SLC51B: variants seen among roughly 807,000 people sequenced by gnomAD.
SLC51B encodes the protein SLC51 subunit beta, also known as organic solute transporter subunit beta.
In SLC51B, 6 loss-of-function variants were observed where a neutral mutation model predicts 8.0. The observed-to-expected ratio is 0.75, with a 90% confidence interval of 0.41 to 1.48. The LOEUF is 1.48. Ranked by LOEUF, SLC51B falls within the 40% of genes most tolerant of loss-of-function variation. SLC51B has a pLI of 0.01. For missense variants in SLC51B, 150 were observed against 149.7 expected, an observed-to-expected ratio of 1.00 and a Z score of -0.01; for synonymous variants, 61 against 54.8, an observed-to-expected ratio of 1.11 and a Z score of -0.50.
intron 1 of SLC51B, among the ~76,000 whole-genome samples, chr15:65,047,701 G>T (rs761074276): frequency 2.0e-5 from 3 of 152,166 alleles, no homozygotes; most frequent in African/African-American, 4.8e-5. Context: ...TAGAACACAA[G>T]ATCACATCTG....
At position 65,050,086 on chromosome 15, in the gene SLC51B, T is replaced by C; in HGVS notation, c.82T>C (p.Phe28Leu). ...QELLEEMLWF[F>L]RVEDASPWNH... ...GCTGCTGGAAGAGATGCTTTGGTTTTTTCGTGTGGAAGATGGTAAGTGGTG... is the reference window on the plus strand; with the variant it reads ...GCTGCTGGAAGAGATGCTTTGGTTTCTTCGTGTGGAAGATGGTAAGTGGTG... The change falls in exon 2 of 4, where the codon TTT becomes CTT. Residue 28 changes from phenylalanine to leucine, a missense_variant. Coordinates refer to ENST00000334287, the MANE Select transcript of SLC51B (RefSeq NM_178859.4). 1 of 1,551,622 alleles carries C rather than the reference T, an allele frequency of 6.4e-7. No homozygotes were observed. The highest frequency in any genetic ancestry group is 8.7e-7 in the Non-Finnish European group (1 of 1,146,912).
At position 65,046,426 on chromosome 15, in the gene SLC51B, T is replaced by C. The variant is rs540541751; in HGVS notation, c.-109+844T>C. 7.0e-4 allele frequency among the ~76,000 whole-genome samples: 106 copies of C among 152,198 alleles called. 2 individuals carry two copies. In the South Asian group the frequency reaches 0.02, roughly 28 times the overall value. On this transcript the variant is annotated intron_variant, in intron 1 of 3. Transcript: ENST00000334287. ...TGGAGGTTGCAGTGAGCTGAGATCA[T>C]GCCATTGCACTCCAGCCTGGGCAAA...
chr15:65,050,002 G>C lies in SLC51B; in HGVS notation c.-3G>C. ...CGTTGCACACGCTACCAGGAGCAGG[G>C]GCATGGAGCACAGTGAGGGGGCTCC... On this transcript the variant is annotated 5_prime_UTR_variant, in exon 2 of 4. Coordinates refer to ENST00000334287, the MANE Select transcript of SLC51B (RefSeq NM_178859.4). 6.4e-7 allele frequency: 1 copy of C among 1,550,596 alleles called. No individual in the cohort carries two copies.
At chr15:65,048,833 A>AC (rs1355754469) in intron 1 of SLC51B, among the ~76,000 whole-genome samples, 6 of 151,974 alleles carry the variant, frequency 3.9e-5, no homozygotes, top group Non-Finnish European at 7.4e-5. Context: ...ACATGGTGAA[A>AC]CCCCATCTCT....
intron 1 of SLC51B, among the ~76,000 whole-genome samples, chr15:65,046,849 G>T (rs1278953847): frequency 6.6e-6 from 1 of 151,684 alleles, no homozygotes; most frequent in Non-Finnish European, 1.5e-5. Flanking sequence ...GGAGATGGAG[G>T]TTGCAGTGAG....
rs1272277428 is a variant in SLC51B, at chr15:65,051,609, A to G, written c.188+4A>G. The G allele has an allele frequency of 6.2e-7, 1 of 1,612,846 alleles. No homozygotes were observed. Among genetic ancestry groups the G allele is most frequent in the Non-Finnish European group, 8.5e-7 (1 of 1,179,286 alleles). On this transcript the variant is annotated splice_donor_region_variant and intron_variant, in intron 3 of 3. Coordinates refer to ENST00000334287, the MANE Select transcript of SLC51B (RefSeq NM_178859.4). ...GAAGAAGCATCCAGGCAAGCAGGTG[A>G]GGAGCTGGTCCTGGGGGGATGGGGT...
chr15:65,051,194 A>G (rs778390087), intron 2 of SLC51B, among the ~76,000 whole-genome samples: 9 of 152,032 alleles, frequency 5.9e-5, no homozygotes, highest in Non-Finnish European at 1.2e-4. Context: ...GGCAAAACTG[A>G]AGATTGTGAA....
At position 65,049,954 on chromosome 15, in the gene SLC51B, G is replaced by A. The variant is rs1178873842; in HGVS notation, c.-51G>A. The A allele has an allele frequency of 2.1e-6, 3 of 1,448,368 alleles. No homozygotes were observed. Among genetic ancestry groups the A allele is most frequent in the Admixed American group, 4.2e-5 (2 of 47,576 alleles). The allele number at this position is 1,448,368 out of a possible 1,614,324, so 89.7% of individuals were successfully genotyped here. On this transcript the variant is annotated 5_prime_UTR_variant, in exon 2 of 4. Transcript: ENST00000334287. ...AACCGAGGAGGCCAGGAGGGCTGCTGGGGCTAAGGGGTCTAAGGACCTCGT... is the reference window on the plus strand; with the variant it reads ...AACCGAGGAGGCCAGGAGGGCTGCTAGGGCTAAGGGGTCTAAGGACCTCGT...
chr15:65,049,827 C>A (rs191171987), intron 1 of SLC51B, 70 bp from the exon 2 acceptor site: 19 of 466,590 alleles, frequency 4.1e-5, no homozygotes, highest in Admixed American at 2.0e-4. Context: ...CAGAGGAGAT[C>A]TGGATTTGGG....
chr15:65,048,915 C>T (rs2086609878), intron 1 of SLC51B, among the ~76,000 whole-genome samples: 1 of 148,046 alleles, frequency 6.8e-6, no homozygotes, highest in African/African-American at 2.5e-5. Flanking sequence ...GAGGCTGAGA[C>T]AGGAGAATCG....
At position 65,049,932 on chromosome 15, in the gene SLC51B, C is replaced by G. The variant is rs1248730321; in HGVS notation, c.-73C>G. ...GGCTTCTCTGCCCAGGGGCCAGAACCGAGGAGGCCAGGAGGGCTGCTGGGG... is the reference window on the plus strand; with the variant it reads ...GGCTTCTCTGCCCAGGGGCCAGAACGGAGGAGGCCAGGAGGGCTGCTGGGG... On this transcript the variant is annotated 5_prime_UTR_variant, in exon 2 of 4. Transcript: ENST00000334287. 1 of 1,222,320 alleles carries G rather than the reference C, an allele frequency of 8.2e-7. No individual in the cohort carries two copies. Among genetic ancestry groups the G allele is most frequent in the African/African-American group, 1.5e-5 (1 of 65,690 alleles). The allele number at this position is 1,222,320 out of a possible 1,614,324, so 75.7% of individuals were successfully genotyped here.
At chr15:65,051,386 T>G in intron 2 of SLC51B, 129 bp from the exon 3 acceptor site, 1 of 812,298 alleles carries the variant, frequency 1.2e-6, no homozygotes. Flanking sequence ...GGGCCCATCT[T>G]TGATTAGGGT....
At chr15:65,048,826 T>C (rs1308169208) in intron 1 of SLC51B, among the ~76,000 whole-genome samples, 2 of 152,082 alleles carry the variant, frequency 1.3e-5, no homozygotes, top group Admixed American at 6.6e-5. Flanking sequence ...CTGGCCAACA[T>C]GGTGAAACCC....
At chr15:65,050,830 C>CTTTT (rs1206139825) in intron 2 of SLC51B, among the ~76,000 whole-genome samples, 1 of 48,530 alleles carries the variant, frequency 2.1e-5, no homozygotes, top group African/African-American at 5.4e-5. Context: ...CTTTCTTCTT[C>CTTTT]TTCTTCTTTT....
chr15:65,046,927 A>G (rs1380274641), intron 1 of SLC51B, among the ~76,000 whole-genome samples: 2 of 152,014 alleles, frequency 1.3e-5, no homozygotes, highest in Non-Finnish European at 2.9e-5. Context: ...AACAAAAAAC[A>G]AAAAAACACC....
intron 3 of SLC51B, 32 bp from the exon 4 acceptor site, chr15:65,052,934 C>T (rs775821319): frequency 1.4e-6 from 2 of 1,389,182 alleles, no homozygotes; most frequent in Admixed American, 1.8e-5. Flanking sequence ...CCACTCAGCC[C>T]CCCTCATTAA....
rs1195222878 is a variant in SLC51B at position 65,045,423 on chromosome 15, C to T, written c.-268C>T. 6.6e-6 allele frequency: 1 copy of T among 152,284 alleles called. No homozygotes were observed. The highest frequency in any genetic ancestry group is 2.4e-5 in the African/African-American group (1 of 41,452). The allele number at this position is 152,284 out of a possible 1,614,324, so 9.4% of individuals were successfully genotyped here. ...CAGATGGGTCCAGCTGCCGCAGGCT[C>T]TCCAGGCACTGTCCCCTAAGTGACA... On this transcript the variant is annotated 5_prime_UTR_variant, in exon 1 of 4. Coordinates refer to ENST00000334287, the MANE Select transcript of SLC51B (RefSeq NM_178859.4).
Position 65,045,485 on chromosome 15 carries a change from A to G in SLC51B, c.-206A>G, listed in dbSNP as rs773485176. On this transcript the variant is annotated 5_prime_UTR_variant, in exon 1 of 4. Coordinates refer to ENST00000334287, the MANE Select transcript of SLC51B (RefSeq NM_178859.4). Reference sequence around the variant, plus strand: ...CTGGGAGAGCTCAAGTGCAAAGACTATCCTGTTCTCCCATAAAGAGGAGGA... The same window carrying G: ...CTGGGAGAGCTCAAGTGCAAAGACTGTCCTGTTCTCCCATAAAGAGGAGGA... The G allele has an allele frequency of 6.6e-6, 1 of 152,248 alleles. No homozygotes were observed. Among genetic ancestry groups the G allele is most frequent in the Admixed American group, 6.5e-5 (1 of 15,282 alleles). The allele number at this position is 152,248 out of a possible 1,614,324, so 9.4% of individuals were successfully genotyped here.
At chr15:65,051,178 CAGG>C (rs143801232) in intron 2 of SLC51B, among the ~76,000 whole-genome samples, 3,143 of 152,226 alleles carry the variant, frequency 0.021, 131 homozygotes, top group African/African-American at 0.072. Context: ...AGGTCCAGCC[CAGG>C]CTGGCAAAAC....
Sources: allele counts gnomAD v4.1 joint callset (sites outside exome capture counted in the v4.1 genomes callset), GRCh38; gene constraint gnomAD v4.1.1; transcripts MANE v1.5; gene names NCBI Gene and HGNC (gene_info 2026-07-23, HGNC 2026-07-21).